Variants in SMOC2 observed in about 807,000 individuals in gnomAD.
The protein encoded by SMOC2 is SPARC related modular calcium binding 2, also known as SPARC-related modular calcium-binding protein 2.
A neutral mutation model predicts 61.4 loss-of-function variants in SMOC2; 39 were observed. The ratio of observed to expected loss-of-function variants is 0.64; its 90% CI spans 0.49 to 0.83. The LOEUF (loss-of-function observed/expected upper bound fraction) is 0.83. Ranked by LOEUF, SMOC2 falls within the 40% of genes least tolerant of loss-of-function variation. SMOC2 has a pLI of 0.00. For missense variants in SMOC2, 556 were observed against 592.9 expected (o/e 0.94, Z 0.65); for synonymous variants, 247 against 239.9 (o/e 1.03, Z -0.27).
chr6:168,629,954 G>T (rs554547981), intron 9 of SMOC2, among the ~76,000 whole-genome samples: 2 of 152,262 alleles, frequency 1.3e-5, no homozygotes, highest in East Asian at 3.9e-4. Context: ...GGGTGGCTTG[G>T]TGGAGGCCAT....
intron 7 of SMOC2, among the ~76,000 whole-genome samples, chr6:168,591,547 A>T (rs1785180854): frequency 6.6e-6 from 1 of 151,944 alleles, no homozygotes; most frequent in Non-Finnish European, 1.5e-5. Context: ...CACTAAATGG[A>T]AGGCTATTCT....
At chr6:168,549,264 G>T (rs1047951588) in intron 7 of SMOC2, 61 bp downstream of exon 7, 8 of 1,541,448 alleles carry the variant, frequency 5.2e-6, no homozygotes, top group Non-Finnish European at 7.2e-6. Flanking sequence ...AAAATGATGG[G>T]GTTTTTTTTT....
chr6:168,614,081 C>A (rs1305321697), intron 9 of SMOC2, among the ~76,000 whole-genome samples: 1 of 103,384 alleles, frequency 9.7e-6, no homozygotes, highest in Non-Finnish European at 2.0e-5. Flanking sequence ...CTACAGCCAG[C>A]ACAGGGCCTC....
At chr6:168,478,256 CAGTCCAAAATGAAT>C (rs1782134413) in intron 1 of SMOC2, among the ~76,000 whole-genome samples, 2 of 152,266 alleles carry the variant, frequency 1.3e-5, no homozygotes, top group African/African-American at 4.8e-5. Context: ...CACAAGAGGA[CAGTCCAAAATGAAT>C]AGTCCAAAAT....
chr6:168,632,169 T>C (rs1220098652), intron 9 of SMOC2, among the ~76,000 whole-genome samples: 1 of 152,242 alleles, frequency 6.6e-6, no homozygotes, highest in Non-Finnish European at 1.5e-5. Context: ...ACCTGGTTGA[T>C]TAATGGTTGG....
At chr6:168,565,639 G>A (rs1784523962) in intron 7 of SMOC2, among the ~76,000 whole-genome samples, 1 of 152,224 alleles carries the variant, frequency 6.6e-6, no homozygotes. Flanking sequence ...TTCTGTCAGT[G>A]TGGCTTGGAT....
chr6:168,633,593 A>G (rs1215997513), intron 9 of SMOC2, among the ~76,000 whole-genome samples: 1 of 152,238 alleles, frequency 6.6e-6, no homozygotes, highest in African/African-American at 2.4e-5. Context: ...AGCTGTCACA[A>G]TACAATGCTT....
At chr6:168,596,088 C>A (rs11757013) in intron 7 of SMOC2, among the ~76,000 whole-genome samples, 7,417 of 32,540 alleles carry the variant, frequency 0.23, 474 homozygotes, top group East Asian at 0.29. Context: ...GCTGGAGAGG[C>A]ATGAACAAGC....
At chr6:168,463,870 C>A (rs1338796572) in intron 1 of SMOC2, among the ~76,000 whole-genome samples, 1 of 152,058 alleles carries the variant, frequency 6.6e-6, no homozygotes, top group Non-Finnish European at 1.5e-5. Flanking sequence ...GGATGGACTT[C>A]TCCCTTATAT....
At chr6:168,574,830 C>T (rs10806686) in intron 7 of SMOC2, among the ~76,000 whole-genome samples, 17,372 of 152,200 alleles carry the variant, frequency 0.11, 1,177 homozygotes, top group African/African-American at 0.17. Flanking sequence ...AAAACAAAAG[C>T]ACCACTTAGG....
At chr6:168,600,444 A>AC (rs1450180863) in intron 8 of SMOC2, among the ~76,000 whole-genome samples, 1 of 142,496 alleles carries the variant, frequency 7.0e-6, no homozygotes, top group African/African-American at 2.6e-5. Context: ...CAAAAAAAAA[A>AC]ACAGTAGTTT....
At chr6:168,589,264 T>A (rs1785117921) in intron 7 of SMOC2, among the ~76,000 whole-genome samples, 1 of 152,228 alleles carries the variant, frequency 6.6e-6, no homozygotes, top group African/African-American at 2.4e-5. Context: ...TCTTAAGGTG[T>A]TGGCTGACAC....
chr6:168,583,941 C>G (rs931961550), intron 7 of SMOC2, among the ~76,000 whole-genome samples: 4 of 152,182 alleles, frequency 2.6e-5, no homozygotes, highest in Non-Finnish European at 4.4e-5. Context: ...TGTGCACAGG[C>G]GAGGAAACCA....
intron 12 of SMOC2, chr6:168,664,350 A>T: frequency 2.0e-6 from 1 of 512,322 alleles, no homozygotes; most frequent in South Asian, 1.8e-5. Flanking sequence ...TTCATTTATT[A>T]AGAAAAATTT....
rs1784017464 is a variant in SMOC2 at position 168,546,920 on chromosome 6, A to G, written c.512-199A>G. Reference sequence around the variant, plus strand: ...TCAGTGTCTAGCCTCGAGCATTTTAAGTAGCGGCTCACTCAAGACTGGTAT... The same window carrying G: ...TCAGTGTCTAGCCTCGAGCATTTTAGGTAGCGGCTCACTCAAGACTGGTAT... On this transcript the variant is annotated intron_variant, in intron 5 of 12. Coordinates refer to ENST00000356284, the MANE Select transcript of SMOC2 (RefSeq NM_001166412.2). Among the ~76,000 whole-genome samples the G allele has an allele frequency of 2.0e-5, 3 of 152,306 alleles. No homozygotes were observed. In the East Asian group the frequency reaches 5.8e-4, roughly 29 times the overall value.
At chr6:168,449,999 A>G (rs1057001598) in intron 1 of SMOC2, among the ~76,000 whole-genome samples, 1 of 152,210 alleles carries the variant, frequency 6.6e-6, no homozygotes, top group African/African-American at 2.4e-5. Context: ...AGTTTCAATC[A>G]GGATCCTGTC....
intron 1 of SMOC2, among the ~76,000 whole-genome samples, chr6:168,476,175 G>A (rs1242318576): frequency 6.6e-6 from 1 of 152,122 alleles, no homozygotes; most frequent in South Asian, 2.1e-4. Flanking sequence ...ATACATGAGA[G>A]TCTTGGCTGC....
At chr6:168,563,875 A>T (rs1784482563) in intron 7 of SMOC2, among the ~76,000 whole-genome samples, 1 of 152,100 alleles carries the variant, frequency 6.6e-6, no homozygotes, top group Non-Finnish European at 1.5e-5. Flanking sequence ...GTGTCCGTAG[A>T]GCAAGCAGAG....
Position 168,653,030 on chromosome 6 carries a change from T to C in SMOC2, c.1087T>C (p.Ser363Pro), listed in dbSNP as rs1354205515. ...HWYFKLLDKN[S>P]SGDIGKKEIK... ...GTACTTCAAACTACTGGATAAAAAC[T>C]CCAGTGGAGACATCGGCAAAAAGGA... The change falls in exon 11 of 13, where the codon TCC becomes CCC. Residue 363 changes from serine (S) to proline (P), a missense_variant. Transcript: ENST00000356284. The C allele has an allele frequency of 4.3e-6, 7 of 1,614,018 alleles. No homozygotes were observed. Among genetic ancestry groups the C allele is most frequent in the Non-Finnish European group, 5.9e-6 (7 of 1,180,004 alleles).
Sources: gnomAD v4.1 joint callset for allele counts (sites outside exome capture counted in the v4.1 genomes callset) on GRCh38, gnomAD v4.1.1 for gene constraint, MANE v1.5 for transcripts, NCBI Gene and HGNC (gene_info 2026-07-23, HGNC 2026-07-21) for gene names.